HOOK1: variants seen among roughly 807,000 people sequenced by gnomAD.
The protein encoded by HOOK1 is hook microtubule tethering protein 1.
Under a neutral mutation model 112.8 loss-of-function variants are expected in HOOK1, and 60 were observed. That is an observed-to-expected ratio of 0.53 (90% CI 0.43 to 0.66). HOOK1 has a LOEUF of 0.66. HOOK1 is among the 30% of genes least tolerant of loss of function. The probability of loss-of-function intolerance (pLI) is 0.00; values close to 1 mark genes in which losing one functional copy is unlikely to be tolerated. For missense variants in HOOK1, 770 were observed against 856.0 expected (o/e 0.90, Z 1.25); for synonymous variants, 294 against 283.8 (o/e 1.04, Z -0.36).
intron 12 of HOOK1, among the ~76,000 whole-genome samples, chr1:59,856,714 A>C (rs949740898): frequency 1.3e-5 from 2 of 152,064 alleles, no homozygotes; most frequent in Non-Finnish European, 2.9e-5. Context: ...CACAGTGGTT[A>C]GTTCATGATT....
intron 1 of HOOK1, among the ~76,000 whole-genome samples, chr1:59,818,716 T>C (rs930352650): frequency 7.9e-5 from 12 of 152,168 alleles, no homozygotes; most frequent in African/African-American, 2.9e-4. Flanking sequence ...AAGGAAAGAG[T>C]AATAATTAAT....
chr1:59,842,794 G>GA (rs2098401674), intron 8 of HOOK1, among the ~76,000 whole-genome samples: 1 of 152,016 alleles, frequency 6.6e-6, no homozygotes, highest in African/African-American at 2.4e-5. Flanking sequence ...AACCAGGAGA[G>GA]AAAATCATGC....
chr1:59,856,419 T>G (rs774956673), intron 12 of HOOK1, among the ~76,000 whole-genome samples: 7 of 151,982 alleles, frequency 4.6e-5, no homozygotes, highest in Non-Finnish European at 7.4e-5. Context: ...GCTCTCTCTG[T>G]CTTAGTCTAG....
chr1:59,868,259 A>T lies in HOOK1; in HGVS notation c.1855A>T (p.Thr619Ser). The T allele has an allele frequency of 1.3e-6, 2 of 1,593,344 alleles. No homozygotes were observed. Among genetic ancestry groups the T allele is most frequent in the Non-Finnish European group, 1.7e-6 (2 of 1,163,050 alleles). ...TTTTTTCTTTAAACAGGTAATAAAA[A>T]CTTTGGATCCCAAGTTAAATCCAGC... is the stretch of plus-strand genomic sequence containing the variant. Reference protein sequence around the residue: ...YLEKARNVIKTLDPKLNPASA... With the variant: ...YLEKARNVIKSLDPKLNPASA... The change falls in exon 20 of 22, where the codon ACT (threonine) becomes TCT (serine). Residue 619 changes from threonine to serine, a missense_variant. Coordinates refer to ENST00000371208, the MANE Select transcript of HOOK1 (RefSeq NM_015888.6).
intron 6 of HOOK1, among the ~76,000 whole-genome samples, chr1:59,836,198 C>G (rs2098397535): frequency 6.6e-6 from 1 of 152,002 alleles, no homozygotes; most frequent in Admixed American, 6.6e-5. Flanking sequence ...TAAAGCTAGT[C>G]TAGTTATCTA....
chr1:59,846,572 T>TCCC (rs2098404013), intron 9 of HOOK1, among the ~76,000 whole-genome samples: 2 of 79,862 alleles, frequency 2.5e-5, no homozygotes, highest in Admixed American at 1.3e-4. Flanking sequence ...CCTTCCTTCC[T>TCCC]TCCTTCCTTC....
chr1:59,842,823 T>TAA (rs1053991131), intron 8 of HOOK1, among the ~76,000 whole-genome samples: 1 of 151,838 alleles, frequency 6.6e-6, no homozygotes, highest in Non-Finnish European at 1.5e-5. Context: ...AAAATATGAA[T>TAA]AAAAAAAATT....
chr1:59,823,136 T>C (rs113867221), intron 2 of HOOK1, among the ~76,000 whole-genome samples: 6,116 of 152,176 alleles, frequency 0.04, 165 homozygotes, highest in African/African-American at 0.066. Context: ...CTGGCTAACA[T>C]GGTGAAACCC....
intron 1 of HOOK1, among the ~76,000 whole-genome samples, chr1:59,817,458 G>A (rs2098382484): frequency 6.6e-6 from 1 of 151,890 alleles, no homozygotes; most frequent in African/African-American, 2.4e-5. Flanking sequence ...TACCTCTTTA[G>A]ATGATTTCCA....
intron 14 of HOOK1, 113 bp downstream of exon 14, chr1:59,859,158 A>C: frequency 2.7e-6 from 1 of 364,186 alleles, no homozygotes; most frequent in Non-Finnish European, 4.9e-6. Flanking sequence ...GCTGAAAATT[A>C]CTGTTTGATC....
intron 6 of HOOK1, among the ~76,000 whole-genome samples, chr1:59,836,081 A>G (rs2098397444): frequency 6.6e-6 from 1 of 152,140 alleles, no homozygotes; most frequent in African/African-American, 2.4e-5. Context: ...AGTTATAACA[A>G]TCTTTCCTGA....
intron 1 of HOOK1, among the ~76,000 whole-genome samples, chr1:59,817,553 C>A (rs139659111): frequency 6.6e-6 from 1 of 152,198 alleles, no homozygotes; most frequent in East Asian, 1.9e-4. Context: ...CCTCACCTAC[C>A]CAACTTTCTC....
rs188337225 is a variant in HOOK1, at chr1:59,826,288, T to C, written c.150-2492T>C. On this transcript the variant is annotated intron_variant, in intron 2 of 21. Coordinates refer to ENST00000371208, the MANE Select transcript of HOOK1 (RefSeq NM_015888.6). The stretch of plus-strand genomic sequence containing the variant: ...GAAATATAAGAAAAGGAGCTAATTA[T>C]TGGGTGCCAAGACTCTAAGGCATGT... Among the ~76,000 whole-genome samples, 660 of 152,036 alleles carry C rather than the reference T, an allele frequency of 4.3e-3. 2 individuals are homozygous for C. Among genetic ancestry groups the C allele is most frequent in the African/African-American group, 0.015 (609 of 41,480 alleles).
chr1:59,857,734 G>T (rs2098411459), intron 12 of HOOK1, among the ~76,000 whole-genome samples: 1 of 152,324 alleles, frequency 6.6e-6, no homozygotes, highest in South Asian at 2.1e-4. Flanking sequence ...TACTTTTCAA[G>T]TTCTGGGAAA....
chr1:59,849,973 A>G (rs1406667853), intron 12 of HOOK1, among the ~76,000 whole-genome samples: 1 of 151,642 alleles, frequency 6.6e-6, no homozygotes, highest in Admixed American at 6.6e-5. Flanking sequence ...TTGAGCATAT[A>G]TGCAGAAATG....
At chr1:59,822,026 G>T (rs546347740) in intron 2 of HOOK1, 83 bp downstream of exon 2, 4 of 1,088,104 alleles carry the variant, frequency 3.7e-6, no homozygotes, top group East Asian at 4.9e-5. Flanking sequence ...GAATTCCAAA[G>T]GTTGTTGCAA....
At chr1:59,844,673 TAACTA>T (rs1287408096) in intron 9 of HOOK1, among the ~76,000 whole-genome samples, 2 of 152,014 alleles carry the variant, frequency 1.3e-5, no homozygotes, top group African/African-American at 4.8e-5. Flanking sequence ...ATTGATATCT[TAACTA>T]TATAGAGAAT....
intron 12 of HOOK1, among the ~76,000 whole-genome samples, chr1:59,850,625 A>T (rs1270429097): frequency 6.6e-6 from 1 of 151,558 alleles, no homozygotes; most frequent in East Asian, 1.9e-4. Context: ...TATTCTTACT[A>T]CATCGAATTA....
At chr1:59,860,131 A>C in intron 14 of HOOK1, 57 bp from the exon 15 acceptor site, 1 of 1,364,184 alleles carries the variant, frequency 7.3e-7, no homozygotes, top group Non-Finnish European at 9.8e-7. Context: ...TTTTAACTAA[A>C]GAATATAATG....
Sources: gnomAD v4.1 joint callset for allele counts (sites outside exome capture counted in the v4.1 genomes callset) on GRCh38, gnomAD v4.1.1 for gene constraint, MANE v1.5 for transcripts, NCBI Gene and HGNC (gene_info 2026-07-23, HGNC 2026-07-21) for gene names.